Variants in RBM27 observed in about 807,000 individuals in gnomAD.
RBM27 encodes the protein RNA-binding protein 27.
In RBM27, 22 loss-of-function variants were observed where a neutral mutation model predicts 135.3. The ratio of observed to expected loss-of-function variants is 0.16; its 90% confidence interval spans 0.12 to 0.23. The LOEUF (loss-of-function observed/expected upper bound fraction) is 0.23. RBM27 is among the 10% of genes least tolerant of loss of function. RBM27 has a pLI of 1.00. For missense variants in RBM27, 1,009 were observed against 1,281.0 expected (o/e 0.79, Z 3.24); for synonymous variants, 481 against 442.4 (o/e 1.09, Z -1.10).
At chr5:146,229,524 C>T (rs1195808405) in intron 4 of RBM27, among the ~76,000 whole-genome samples, 193 bp from the exon 5 acceptor site, 1 of 151,186 alleles carries the variant, frequency 6.6e-6, no homozygotes, top group African/African-American at 2.4e-5. Context: ...TTTCTCCCCA[C>T]CCAGTATAAT....
At chr5:146,270,858 C>T (rs1401417883) in intron 17 of RBM27, 96 bp from the exon 18 acceptor site, 3 of 741,960 alleles carry the variant, frequency 4.0e-6, no homozygotes, top group Non-Finnish European at 6.5e-6. Context: ...TTCTCATGTT[C>T]CAAAATACAT....
intron 20 of RBM27, 144 bp downstream of exon 20, chr5:146,284,876 G>A: frequency 1.8e-6 from 1 of 541,066 alleles, no homozygotes; most frequent in East Asian, 3.1e-5. Context: ...GTTTATTAGA[G>A]AATTAAAACA....
chr5:146,208,110 C>T (rs1314930219), intron 1 of RBM27, among the ~76,000 whole-genome samples: 1 of 152,030 alleles, frequency 6.6e-6, no homozygotes, highest in African/African-American at 2.4e-5. Context: ...GTGCCCGCCA[C>T]TACGCCCAGC....
intron 11 of RBM27, among the ~76,000 whole-genome samples, chr5:146,260,026 G>A (rs890716069): frequency 2.0e-5 from 3 of 150,422 alleles, no homozygotes; most frequent in Admixed American, 6.6e-5. Flanking sequence ...TTGGCCGGGC[G>A]TAGTGGCTCA....
At position 146,288,721 on chromosome 5, in the gene RBM27, A is replaced by G. The variant is rs1759680683; in HGVS notation, c.*2691A>G. ...GCCACCAGTTGACTAGGTCAGCCTG[A>G]TATACTAGTGGATCACTGTCCAAGA... On this transcript the variant is annotated 3_prime_UTR_variant, in exon 21 of 21. Coordinates refer to ENST00000265271, the MANE Select transcript of RBM27 (RefSeq NM_018989.2). 6.6e-6 allele frequency: 1 copy of G among 152,112 alleles called. No individual in the cohort carries two copies. The highest frequency in any genetic ancestry group is 6.5e-5 in the Admixed American group (1 of 15,268). 9.4% of individuals were successfully genotyped at this position (152,112 alleles called of 1,614,324 possible).
chr5:146,211,089 G>A (rs188676852), intron 1 of RBM27, among the ~76,000 whole-genome samples: 4 of 152,154 alleles, frequency 2.6e-5, no homozygotes, highest in Admixed American at 2.6e-4. Flanking sequence ...CCTGGACAAT[G>A]GGGCGAAACT....
chr5:146,253,199 T>A (rs1323858849), intron 9 of RBM27, among the ~76,000 whole-genome samples: 1 of 152,080 alleles, frequency 6.6e-6, no homozygotes, highest in Non-Finnish European at 1.5e-5. Flanking sequence ...GGTTTTGCCA[T>A]GTTGGTCAGG....
intron 13 of RBM27, among the ~76,000 whole-genome samples, chr5:146,262,637 A>G (rs1433868967): frequency 4.6e-5 from 7 of 152,146 alleles, no homozygotes; most frequent in Non-Finnish European, 8.8e-5. Context: ...CATCCTGCTC[A>G]TTTGCATCTA....
chr5:146,276,942 T>C (rs1274434886), intron 19 of RBM27, among the ~76,000 whole-genome samples: 3 of 152,240 alleles, frequency 2.0e-5, no homozygotes, highest in African/African-American at 7.2e-5. Flanking sequence ...TTGTGAGCTA[T>C]GACCATTTAC....
chr5:146,245,706 C>T (rs765405429), intron 8 of RBM27, among the ~76,000 whole-genome samples: 8 of 152,066 alleles, frequency 5.3e-5, no homozygotes, highest in South Asian at 4.2e-4. Context: ...CCCCAAACCC[C>T]GGGTCACGGT....
chr5:146,269,406 T>C lies in RBM27; in HGVS notation c.2527-14T>C, dbSNP rs763411987. The stretch of plus-strand genomic sequence containing the variant: ...TATTAAGCATGGTTTTACCTTTTTC[T>C]ATTTATTTCGTAGATGTTAATATCC... On this transcript the variant is annotated splice_polypyrimidine_tract_variant and intron_variant, in intron 16 of 20. Coordinates refer to ENST00000265271, the MANE Select transcript of RBM27 (RefSeq NM_018989.2). The C allele has an allele frequency of 7.8e-6, 12 of 1,531,880 alleles. No homozygotes were observed. Among genetic ancestry groups the C allele is most frequent in the Admixed American group, 2.2e-5 (1 of 45,038 alleles). 94.9% of individuals were successfully genotyped at this position (1,531,880 alleles called of 1,614,324 possible).
At chr5:146,281,487 GGAA>G (rs2126916511) in intron 19 of RBM27, among the ~76,000 whole-genome samples, 2 of 152,264 alleles carry the variant, frequency 1.3e-5, no homozygotes, top group South Asian at 4.1e-4. Flanking sequence ...GGACCACACT[GGAA>G]GAAGAATAAT....
intron 8 of RBM27, among the ~76,000 whole-genome samples, chr5:146,241,324 A>T (rs1757399768): frequency 6.6e-6 from 1 of 152,204 alleles, no homozygotes; most frequent in Non-Finnish European, 1.5e-5. Context: ...GCAAATATTT[A>T]TTGAATGCCT....
intron 17 of RBM27, 132 bp downstream of exon 17, chr5:146,269,716 TAA>T: frequency 5.7e-6 from 2 of 348,818 alleles, no homozygotes; most frequent in East Asian, 5.0e-5. Context: ...TTATAGTACT[TAA>T]AAAAAAAATC....
chr5:146,252,301 G>C (rs1378679875), intron 9 of RBM27, among the ~76,000 whole-genome samples: 1 of 152,126 alleles, frequency 6.6e-6, no homozygotes, highest in East Asian at 1.9e-4. Context: ...CCTTGTATGT[G>C]TGCATAATGT....
intron 8 of RBM27, among the ~76,000 whole-genome samples, chr5:146,241,883 A>T (rs1165099978): frequency 6.6e-6 from 1 of 152,188 alleles, no homozygotes; most frequent in Non-Finnish European, 1.5e-5. Flanking sequence ...TTTAATTTTA[A>T]AAATATGTTT....
chr5:146,227,523 A>G (rs1415209270), intron 3 of RBM27, among the ~76,000 whole-genome samples: 3 of 152,110 alleles, frequency 2.0e-5, no homozygotes, highest in Non-Finnish European at 4.4e-5. Context: ...TGATTTGTGT[A>G]TTTGTCAGTG....
Position 146,203,697 on chromosome 5 carries a change from G to C in RBM27, c.-69G>C. 4 of 1,415,494 alleles carry C rather than the reference G, an allele frequency of 2.8e-6. No individual in the cohort carries two copies. In the South Asian group the frequency reaches 3.7e-5, roughly 13 times the overall value. The allele number at this position is 1,415,494 out of a possible 1,614,324, so 87.7% of individuals were successfully genotyped here. On this transcript the variant is annotated 5_prime_UTR_variant, in exon 1 of 21. Coordinates refer to ENST00000265271, the MANE Select transcript of RBM27 (RefSeq NM_018989.2). ...CCGGGAGCTGTGAAGGGAACGTGAG[G>C]GGGCGGCGTAGTGGAGACCCACGGC...
intron 1 of RBM27, among the ~76,000 whole-genome samples, chr5:146,208,494 C>T (rs1028287160): frequency 6.6e-6 from 1 of 151,770 alleles, no homozygotes; most frequent in Non-Finnish European, 1.5e-5. Flanking sequence ...GGGAGGGAAA[C>T]CAATATCTCA....
Sources: allele counts gnomAD v4.1 joint callset (sites outside exome capture counted in the v4.1 genomes callset), GRCh38; gene constraint gnomAD v4.1.1; transcripts MANE v1.5; gene names NCBI Gene and HGNC (gene_info 2026-07-23, HGNC 2026-07-21).